SCN11A: variants seen among roughly 807,000 people sequenced by gnomAD.
SCN11A encodes sodium voltage-gated channel alpha subunit 11.
SCN11A carries 122 observed loss-of-function variants against 162.2 expected under a neutral mutation model. That is an observed-to-expected ratio of 0.75 (90% CI 0.65 to 0.87). The LOEUF is 0.87. Ranked by LOEUF, SCN11A falls within the 40% of genes least tolerant of loss-of-function variation. The pLI is 0.00. For synonymous variants in SCN11A, 758 were observed against 751.5 expected (o/e 1.01, Z -0.14); for missense variants, 2,015 against 2,181.6 (o/e 0.92, Z 1.52).
chr3:38,847,683 T>G lies in SCN11A; in HGVS notation c.4387A>C (p.Arg1463=), dbSNP rs760111343. The change falls in exon 30 of 30, where the codon AGA becomes CGA. Residue 1463 remains arginine, a synonymous_variant. Coordinates refer to ENST00000302328, the MANE Select transcript of SCN11A (RefSeq NM_001349253.2). ...CCAATCCGAGCCAAGCGGACAATTC[T>G]GAAGAGCGTCGGAGGGAAAGGAATG... The part of the protein sequence containing the change: ...EHIPFPPTLF[R]IVRLARIGRI... 3.7e-6 allele frequency: 6 copies of G among 1,613,584 alleles called. No individual in the cohort carries two copies. Among genetic ancestry groups the G allele is most frequent in the Middle Eastern group, 1.7e-4 (1 of 6,058 alleles).
chr3:38,974,694 C>CAAAA (rs773028321), intron 2 of SCN11A, among the ~76,000 whole-genome samples: 98 of 48,072 alleles, frequency 2.0e-3, no homozygotes, highest in African/African-American at 3.5e-3. Flanking sequence ...GACTCCGTCT[C>CAAAA]AAAAAAAAAA....
At chr3:39,037,133 C>G (rs1559581948) in intron 1 of SCN11A, among the ~76,000 whole-genome samples, 1 of 152,156 alleles carries the variant, frequency 6.6e-6, no homozygotes, top group Non-Finnish European at 1.5e-5. Context: ...CGATAGAGTA[C>G]TATTCAGCTA....
chr3:39,009,429 T>A (rs4676667), intron 2 of SCN11A, among the ~76,000 whole-genome samples: 1 of 151,192 alleles, frequency 6.6e-6, no homozygotes, highest in Non-Finnish European at 1.5e-5. Flanking sequence ...TATATACATA[T>A]ATATATAAAG....
chr3:38,847,576 G>C lies in SCN11A; in HGVS notation c.4494C>G (p.Phe1498Leu). ...TCAGAAAGAGTAGAAGACCAATGTT[G>C]AACAGAGAAGGAAGCGACATCATCA... ...FALMMSLPSLFNIGLLLFLIM... is the reference protein window; with the variant it reads ...FALMMSLPSLLNIGLLLFLIM... The change falls in exon 30 of 30, where the codon TTC (phenylalanine) becomes TTG (leucine). Residue 1498 changes from phenylalanine to leucine, a missense_variant. Coordinates refer to ENST00000302328, the MANE Select transcript of SCN11A (RefSeq NM_001349253.2). The C allele has an allele frequency of 6.2e-7, 1 of 1,614,176 alleles. No individual in the cohort carries two copies. The highest frequency in any genetic ancestry group is 8.5e-7 in the Non-Finnish European group (1 of 1,180,032).
At chr3:38,947,351 C>T (rs1003116733) in intron 5 of SCN11A, among the ~76,000 whole-genome samples, 4 of 152,168 alleles carry the variant, frequency 2.6e-5, no homozygotes, top group Non-Finnish European at 5.9e-5. Context: ...GTGAAATAAC[C>T]AGTCAATTCT....
At chr3:38,912,984 G>A (rs2065907092) in intron 11 of SCN11A, among the ~76,000 whole-genome samples, 1 of 152,042 alleles carries the variant, frequency 6.6e-6, no homozygotes, top group Non-Finnish European at 1.5e-5. Context: ...TATTCCTCTG[G>A]GTACCTACCC....
chr3:38,903,147 G>C (rs1336071527), intron 16 of SCN11A, among the ~76,000 whole-genome samples: 1 of 152,140 alleles, frequency 6.6e-6, no homozygotes, highest in African/African-American at 2.4e-5. Context: ...AAGGTTTTTA[G>C]CTCATTAATC....
chr3:38,933,754 T>G (rs2125561278), intron 7 of SCN11A, among the ~76,000 whole-genome samples: 1 of 152,304 alleles, frequency 6.6e-6, no homozygotes, highest in Non-Finnish European at 1.5e-5. Context: ...CTGATTGGTG[T>G]ACCTGAAAGT....
chr3:38,871,525 CACATTG>C lies in SCN11A; in HGVS notation c.3673_3678del (p.Gln1225_Cys1226del). ...TTGATCCAAGAGAAATTGCCACTTTCACATTGACTTTTATTTGTAATGATGGTATAA... is the reference window on the plus strand; with the variant it reads ...TTGATCCAAGAGAAATTGCCACTTTCACTTTTATTTGTAATGATGGTATAA... On this transcript the variant is annotated inframe_deletion, in exon 25 of 30. Transcript: ENST00000302328. 6.2e-7 allele frequency: 1 copy of C among 1,612,708 alleles called. No individual in the cohort carries two copies. Among genetic ancestry groups the C allele is most frequent in the Non-Finnish European group, 8.5e-7 (1 of 1,179,202 alleles).
intron 2 of SCN11A, among the ~76,000 whole-genome samples, chr3:38,965,661 A>G (rs1187250987): frequency 3.3e-5 from 5 of 150,688 alleles, no homozygotes; most frequent in Admixed American, 6.6e-5. Context: ...GCATTTCCCA[A>G]TCTCTGAATT....
At chr3:38,868,944 G>C (rs971148225) in intron 26 of SCN11A, among the ~76,000 whole-genome samples, 1 of 152,186 alleles carries the variant, frequency 6.6e-6, no homozygotes, top group African/African-American at 2.4e-5. Context: ...GGGCCTTGCA[G>C]CAAGGGATGG....
intron 1 of SCN11A, among the ~76,000 whole-genome samples, chr3:39,049,254 TA>T (rs1224946851): frequency 6.6e-6 from 1 of 152,244 alleles, no homozygotes; most frequent in Non-Finnish European, 1.5e-5. Flanking sequence ...ATATCTTCAA[TA>T]AGACAAGATA....
In SCN11A at chr3:38,863,234, T is replaced by A. The variant is rs1371162582; in HGVS notation, c.4017A>T (p.Leu1339Phe). 1 of 1,606,880 alleles carries A rather than the reference T, an allele frequency of 6.2e-7. No homozygotes were observed. Among genetic ancestry groups the A allele is most frequent in the African/African-American group, 1.3e-5 (1 of 74,752 alleles). The change falls in exon 28 of 30, where the codon TTA becomes TTT. Residue 1339 changes from leucine (L) to phenylalanine (F), a missense_variant. Coordinates refer to ENST00000302328, the MANE Select transcript of SCN11A (RefSeq NM_001349253.2). ...TGGGTTTTTGAGGTTTTTTGGATCC[T>A]AATTTTTTCATTGCATTATAGTATT... ...QKKYYNAMKK[L>F]GSKKPQKPIP...
intron 7 of SCN11A, among the ~76,000 whole-genome samples, chr3:38,940,192 C>A (rs1016145846): frequency 7.9e-5 from 12 of 151,972 alleles, no homozygotes; most frequent in African/African-American, 2.7e-4. Flanking sequence ...TGTGGAAGAT[C>A]TGTATGAAGA....
intron 2 of SCN11A, among the ~76,000 whole-genome samples, chr3:38,969,912 C>A (rs1032796170): frequency 6.6e-6 from 1 of 152,218 alleles, no homozygotes; most frequent in Non-Finnish European, 1.5e-5. Flanking sequence ...ATCTACCTCC[C>A]ACATAAGGTG....
intron 2 of SCN11A, among the ~76,000 whole-genome samples, chr3:38,993,421 C>CA (rs1300432138): frequency 2.4e-4 from 36 of 152,212 alleles, no homozygotes; most frequent in Non-Finnish European, 5.1e-4. Flanking sequence ...GCAGATGTCT[C>CA]AGAGTTATGC....
intron 23 of SCN11A, among the ~76,000 whole-genome samples, chr3:38,879,408 A>G (rs2126103288): frequency 6.6e-6 from 1 of 152,312 alleles, no homozygotes; most frequent in Non-Finnish European, 1.5e-5. Flanking sequence ...GACCTGAAAC[A>G]AATTGATAAT....
At chr3:38,991,489 G>A (rs571112582) in intron 2 of SCN11A, among the ~76,000 whole-genome samples, 20 of 152,272 alleles carry the variant, frequency 1.3e-4, no homozygotes, top group African/African-American at 4.8e-4. Flanking sequence ...GGCGATCATA[G>A]AGAGATGAAG....
At chr3:38,881,288 T>C (rs1352050463) in intron 22 of SCN11A, among the ~76,000 whole-genome samples, 2 of 152,322 alleles carry the variant, frequency 1.3e-5, no homozygotes, top group African/African-American at 4.8e-5. Flanking sequence ...TCTTGATCTA[T>C]ACTTTCTGGT....
Sources: gnomAD v4.1 joint callset for allele counts (sites outside exome capture counted in the v4.1 genomes callset) on GRCh38, gnomAD v4.1.1 for gene constraint, MANE v1.5 for transcripts, NCBI Gene and HGNC (gene_info 2026-07-23, HGNC 2026-07-21) for gene names.